NBEA: variants seen among roughly 807,000 people sequenced by gnomAD.
NBEA encodes the protein neurobeachin.
In NBEA, 44 loss-of-function variants were observed where a neutral mutation model predicts 343.4. The ratio of observed to expected loss-of-function variants is 0.13; its 90% CI spans 0.10 to 0.16. The LOEUF is 0.16. Among genes scored for constraint, NBEA ranks in the 10% least tolerant of loss-of-function variants. NBEA has a pLI of 1.00. For synonymous variants in NBEA, 1,175 were observed against 1,238.7 expected (o/e 0.95, Z 1.08); for missense variants, 2,555 against 3,631.3 (o/e 0.70, Z 7.62).
chr13:35,124,543 G>GAT (rs200179614), intron 17 of NBEA, among the ~76,000 whole-genome samples: 2,735 of 147,616 alleles, frequency 0.019, 95 homozygotes, highest in African/African-American at 0.058. Flanking sequence ...CACATATATG[G>GAT]ATATATATAT....
In NBEA at chr13:34,942,317, C is replaced by G. The variant is rs894752706; in HGVS notation, c.-504C>G. On this transcript the variant is annotated 5_prime_UTR_variant, in exon 1 of 59. Transcript: ENST00000379939. ...GGGGGCGGCAACATGGCGGAGTGAG[C>G]GGCGGCGTCGGGGCTTCACAACAAC... The G allele has an allele frequency of 2.0e-5, 3 of 153,798 alleles. No homozygotes were observed. The highest frequency in any genetic ancestry group is 3.4e-3 in the Middle Eastern group (1 of 296). 9.5% of individuals were successfully genotyped at this position (153,798 alleles called of 1,614,324 possible).
chr13:35,183,484 A>G (rs1332697713), intron 29 of NBEA, among the ~76,000 whole-genome samples: 1 of 152,050 alleles, frequency 6.6e-6, no homozygotes, highest in Non-Finnish European at 1.5e-5. Context: ...GATGTCATGG[A>G]GATATGGATT....
At chr13:35,031,127 C>T (rs1037226227) in intron 1 of NBEA, among the ~76,000 whole-genome samples, 15 of 151,602 alleles carry the variant, frequency 9.9e-5, no homozygotes, top group African/African-American at 3.1e-4. Context: ...TACAGAGGCC[C>T]ATAGGCATAA....
At chr13:35,357,025 A>T (rs2040528692) in intron 38 of NBEA, among the ~76,000 whole-genome samples, 1 of 152,122 alleles carries the variant, frequency 6.6e-6, no homozygotes, top group South Asian at 2.1e-4. Flanking sequence ...TTTTTACCTG[A>T]TATTATGGAC....
At chr13:35,338,059 C>T (rs1189670058) in intron 36 of NBEA, among the ~76,000 whole-genome samples, 1 of 151,042 alleles carries the variant, frequency 6.6e-6, no homozygotes, top group African/African-American at 2.4e-5. Flanking sequence ...ACAGGACAAA[C>T]TAGAAGAAGA....
rs562624594 is a variant in NBEA at position 35,581,613 on chromosome 13, C to T, written c.7036-2285C>T. On this transcript the variant is annotated intron_variant, in intron 45 of 58. Transcript: ENST00000379939. ...ATGGATGAAATTGGAAATCATCATT[C>T]TCAGTAAACTATCGCAAGGAGAAAA... is the stretch of plus-strand genomic sequence containing the variant. Among the ~76,000 whole-genome samples the T allele has an allele frequency of 1.4e-3, 217 of 151,138 alleles. 1 individual carries two copies. The highest frequency in any genetic ancestry group is 5.0e-3 in the African/African-American group (204 of 41,162).
At chr13:35,558,628 T>C (rs965676402) in intron 44 of NBEA, among the ~76,000 whole-genome samples, 25 of 152,216 alleles carry the variant, frequency 1.6e-4, no homozygotes, top group Non-Finnish European at 3.7e-4. Flanking sequence ...CACTATTACC[T>C]TGGAGACCTG....
rs939185615 is a variant in NBEA at position 35,211,008 on chromosome 13, A to T, written c.5522-45A>T. On this transcript the variant is annotated intron_variant, in intron 32 of 58. Transcript: ENST00000379939. ...GTAATGGTGTAATTAAAATTTTTTT[A>T]AATAAATTTATGTTTAAGGCTAAAA... 42 of 1,525,258 alleles carry T rather than the reference A, an allele frequency of 2.8e-5. No homozygotes were observed. In the African/African-American group the frequency reaches 5.2e-4, roughly 19 times the overall value. 94.5% of individuals were successfully genotyped at this position (1,525,258 alleles called of 1,614,324 possible).
chr13:35,112,352 ATTTG>A (rs1251249125), intron 13 of NBEA, among the ~76,000 whole-genome samples: 1 of 152,012 alleles, frequency 6.6e-6, no homozygotes, highest in African/African-American at 2.4e-5. Context: ...CTACATGTTA[ATTTG>A]TTTAATAATA....
intron 1 of NBEA, among the ~76,000 whole-genome samples, chr13:35,000,996 C>T (rs2061117939): frequency 6.6e-6 from 1 of 151,582 alleles, no homozygotes; most frequent in Non-Finnish European, 1.5e-5. Flanking sequence ...GAGAGGAGGT[C>T]TTAGTATGTT....
intron 11 of NBEA, among the ~76,000 whole-genome samples, chr13:35,107,610 T>G (rs1447393504): frequency 1.3e-5 from 2 of 152,040 alleles, no homozygotes; most frequent in Non-Finnish European, 2.9e-5. Flanking sequence ...TTTTATTAAC[T>G]ATGTGTTCCT....
intron 45 of NBEA, among the ~76,000 whole-genome samples, chr13:35,580,200 A>C (rs1021384081): frequency 2.0e-5 from 3 of 152,134 alleles, no homozygotes; most frequent in Non-Finnish European, 4.4e-5. Context: ...AAAAGCTAAA[A>C]AAGACAAAAC....
At chr13:35,109,573 T>C (rs1033179898) in intron 12 of NBEA, 131 bp downstream of exon 12, 7 of 817,962 alleles carry the variant, frequency 8.6e-6, no homozygotes, top group Admixed American at 7.7e-5. Flanking sequence ...GCAATTGTGT[T>C]AGGCAGTATC....
chr13:35,397,965 T>TTAC (rs2152904478), intron 38 of NBEA, among the ~76,000 whole-genome samples: 1 of 152,232 alleles, frequency 6.6e-6, no homozygotes, highest in African/African-American at 2.4e-5. Context: ...TCACAAAAGA[T>TTAC]TACTCAGCAG....
At chr13:35,185,143 A>G (rs558264600) in intron 30 of NBEA, among the ~76,000 whole-genome samples, 1 of 152,124 alleles carries the variant, frequency 6.6e-6, no homozygotes, top group Admixed American at 6.6e-5. Context: ...TGACCATCTT[A>G]TTGCTTAGAT....
chr13:35,427,045 T>C (rs1020559973), intron 38 of NBEA, among the ~76,000 whole-genome samples: 2 of 152,188 alleles, frequency 1.3e-5, no homozygotes, highest in African/African-American at 4.8e-5. Flanking sequence ...TAATTTTTTT[T>C]CAAAGTCTTT....
chr13:35,583,863 CTG>C, intron 45 of NBEA, 33 bp from the exon 46 acceptor site: 1 of 1,515,874 alleles, frequency 6.6e-7, no homozygotes, highest in Non-Finnish European at 9.0e-7. Context: ...TCTAATATGA[CTG>C]TATTAAACAA....
chr13:34,995,353 A>G (rs1462260305), intron 1 of NBEA, among the ~76,000 whole-genome samples: 1 of 151,322 alleles, frequency 6.6e-6, no homozygotes, highest in Admixed American at 6.6e-5. Flanking sequence ...GCTACTGAGG[A>G]GGCTGAGGCA....
chr13:35,263,421 C>G (rs1382727576), intron 34 of NBEA, among the ~76,000 whole-genome samples: 1 of 151,040 alleles, frequency 6.6e-6, no homozygotes, highest in Non-Finnish European at 1.5e-5. Context: ...ACTGTACTCT[C>G]GACCAAAAGG....
Sources: allele counts gnomAD v4.1 joint callset (sites outside exome capture counted in the v4.1 genomes callset), GRCh38; gene constraint gnomAD v4.1.1; transcripts MANE v1.5; gene names NCBI Gene and HGNC (gene_info 2026-07-23, HGNC 2026-07-21).